The following DOP1B variants were observed in gnomAD, a reference collection of about 807,000 sequenced individuals.
DOP1B encodes the protein protein DOP1B.
In DOP1B, 174 loss-of-function variants were observed where a neutral mutation model predicts 233.5. The observed-to-expected ratio is 0.75, with a 90% CI of 0.66 to 0.85. The LOEUF (loss-of-function observed/expected upper bound fraction) is 0.85, where lower values mean the gene tolerates loss of function less well. Among genes scored for constraint, DOP1B ranks in the 40% least tolerant of loss-of-function variants. The probability of loss-of-function intolerance (pLI) is 0.00; values close to 1 mark genes in which losing one functional copy is unlikely to be tolerated. For missense variants in DOP1B, 2,652 were observed against 2,846.6 expected (o/e 0.93, Z 1.56); for synonymous variants, 1,190 against 1,185.6 (o/e 1.00, Z -0.08).
intron 11 of DOP1B, 103 bp from the exon 12 acceptor site, chr21:36,225,462 C>G (rs1306361949): frequency 7.8e-7 from 1 of 1,286,118 alleles, no homozygotes; most frequent in African/African-American, 1.5e-5. Context: ...GACTCCTGAG[C>G]TCAGACAGTC....
intron 10 of DOP1B, among the ~76,000 whole-genome samples, chr21:36,219,927 T>G (rs1379411594): frequency 2.0e-5 from 3 of 149,618 alleles, no homozygotes; most frequent in Non-Finnish European, 1.5e-5. Context: ...AGGACAGGAG[T>G]CCAGGGGGTG....
At chr21:36,287,370 C>T (rs1333643149) in intron 32 of DOP1B, among the ~76,000 whole-genome samples, 1 of 152,060 alleles carries the variant, frequency 6.6e-6, no homozygotes, top group Non-Finnish European at 1.5e-5. Context: ...TCTGCGTCTC[C>T]TCATTCATAT....
chr21:36,258,782 G>C (rs2067136366), intron 23 of DOP1B, among the ~76,000 whole-genome samples: 1 of 152,198 alleles, frequency 6.6e-6, no homozygotes, highest in African/African-American at 2.4e-5. Flanking sequence ...GGTTGGCAAA[G>C]AAGAGAGAAG....
intron 12 of DOP1B, among the ~76,000 whole-genome samples, 159 bp from the exon 13 acceptor site, chr21:36,227,527 A>C (rs555739872): frequency 2.5e-4 from 37 of 148,966 alleles, no homozygotes; most frequent in African/African-American, 8.7e-4. Flanking sequence ...AGCCTGGGCT[A>C]CAGAGCAAGA....
rs2067511069 is a variant in DOP1B at position 36,288,122 on chromosome 21, C to A, written c.6269C>A (p.Ser2090Ter). Residue 2090 changes from serine (S) to a stop codon, truncating the protein, a stop_gained, in exon 33 of 37, where the codon TCA becomes TAA. Coordinates refer to ENST00000691173, the MANE Select transcript of DOP1B (RefSeq NM_001320714.2). LOFTEE classifies it high-confidence loss of function. Reference sequence around the variant, plus strand: ...AGAATATCTCCTCAACATTTGACTTCATTGTGGCCAATAATGGTCTCTGAA... The same window carrying A: ...AGAATATCTCCTCAACATTTGACTTAATTGTGGCCAATAATGGTCTCTGAA... ...LLRISPQHLTSLWPIMVSELI... is the reference protein window; with the variant it reads ...LLRISPQHLT 5 of 1,613,914 alleles carry A rather than the reference C, an allele frequency of 3.1e-6. No homozygotes were observed. The highest frequency in any genetic ancestry group is 4.2e-6 in the Non-Finnish European group (5 of 1,179,952).
At chr21:36,222,321 G>T (rs757877148) in intron 10 of DOP1B, among the ~76,000 whole-genome samples, 5 of 151,752 alleles carry the variant, frequency 3.3e-5, no homozygotes, top group Non-Finnish European at 5.9e-5. Context: ...GCTTATGCCT[G>T]TAATTCCAGC....
rs2066469828 is a variant in DOP1B, at chr21:36,209,622, CTT to C, written c.681+719_681+720del. Reference sequence around the variant, plus strand: ...TCCCTTGGCGTCCTCCCCCTCCTCTCTTGTCTCCATTGGCTGCTCTCAAACCT... The same window carrying C: ...TCCCTTGGCGTCCTCCCCCTCCTCTCGTCTCCATTGGCTGCTCTCAAACCT... On this transcript the variant is annotated intron_variant, in intron 5 of 36. Transcript: ENST00000691173. Among the ~76,000 whole-genome samples the C allele has an allele frequency of 2.6e-5, 4 of 152,288 alleles. No individual in the cohort carries two copies. The South Asian group carries it at 6.2e-4, about 24-fold the overall frequency.
At chr21:36,187,474 T>A (rs1165195667) in intron 2 of DOP1B, among the ~76,000 whole-genome samples, 1 of 152,100 alleles carries the variant, frequency 6.6e-6, no homozygotes, top group Admixed American at 6.5e-5. Context: ...TTTGTTTTTT[T>A]TTAGTAGAGA....
At position 36,245,348 on chromosome 21, in the gene DOP1B, A is replaced by C; in HGVS notation, c.3368A>C (p.Glu1123Ala). The change falls in exon 19 of 37, where the codon GAG becomes GCG. Residue 1123 changes from glutamate to alanine, a missense_variant. Physicochemically the swap from Glu to Ala is moderately radical, Grantham distance 107 (BLOSUM62 -1). Coordinates refer to ENST00000691173, the MANE Select transcript of DOP1B (RefSeq NM_001320714.2). This position sits in a 1 kb window ranked among gnomAD's most constrained non-coding sequence, Gnocchi z 5.5. ...ADTSSCHTDS[E>A]NTSSFSSPSH... ...ACAAGCTCCTGCCACACGGACAGCG[A>C]GAACACGTCCTCCTTCTCCTCCCCT... The C allele has an allele frequency of 6.2e-7, 1 of 1,614,114 alleles. No homozygotes were observed. The highest frequency in any genetic ancestry group is 8.5e-7 in the Non-Finnish European group (1 of 1,180,038).
At chr21:36,206,576 T>C (rs1232944241) in intron 4 of DOP1B, among the ~76,000 whole-genome samples, 1 of 151,468 alleles carries the variant, frequency 6.6e-6, no homozygotes, top group Non-Finnish European at 1.5e-5. Flanking sequence ...TAGTAGCCAG[T>C]TTTCAGAATA....
At chr21:36,244,476 G>T (rs1224859911) in intron 18 of DOP1B, among the ~76,000 whole-genome samples, 2 of 152,184 alleles carry the variant, frequency 1.3e-5, no homozygotes, top group African/African-American at 4.8e-5. Flanking sequence ...CCAGGCTGGA[G>T]TTCAGTGGCA....
In DOP1B at chr21:36,239,950, C is replaced by A; in HGVS notation, c.3062C>A (p.Ser1021Ter). 6.2e-7 allele frequency: 1 copy of A among 1,608,358 alleles called. No individual in the cohort carries two copies. ...TSIHCLKQEN[S>*]ADDLHRWFNR... ...ATCCACTGCCTCAAGCAGGAGAACT[C>A]GGCCGGTGAGCAGCCTGCACAGGAC... The change falls in exon 18 of 37, where the codon TCG becomes TAG. Residue 1021 changes from serine (S) to a stop codon, truncating the protein, a stop_gained. Coordinates refer to ENST00000691173, the MANE Select transcript of DOP1B (RefSeq NM_001320714.2). LOFTEE classifies it high-confidence loss of function.
Position 36,192,554 on chromosome 21 carries a change from G to T in DOP1B, c.139-6516G>T, listed in dbSNP as rs113714321. 1.7e-3 allele frequency among the ~76,000 whole-genome samples: 251 copies of T among 151,574 alleles called. 1 individual carries two copies. Among genetic ancestry groups the T allele is most frequent in the African/African-American group, 5.8e-3 (240 of 41,360 alleles). ...GCCACCACACCCAGCTAATTTCTTT[G>T]TATTTTTTTAGTAGAGGCCGGTTTT... On this transcript the variant is annotated intron_variant, in intron 2 of 36. Coordinates refer to ENST00000691173, the MANE Select transcript of DOP1B (RefSeq NM_001320714.2).
intron 23 of DOP1B, among the ~76,000 whole-genome samples, chr21:36,257,767 TAGAG>T (rs756804418): frequency 0.082 from 11,935 of 146,022 alleles, 930 homozygotes; most frequent in African/African-American, 0.2. Flanking sequence ...GGTAGGTAGG[TAGAG>T]AGATGTAGGT....
chr21:36,227,933 C>G lies in DOP1B; in HGVS notation c.1665+56C>G, dbSNP rs566755181. 643 of 1,454,816 alleles carry G rather than the reference C, an allele frequency of 4.4e-4. 5 individuals carry two copies. In the South Asian group the frequency reaches 7.3e-3, roughly 17 times the overall value. The allele number at this position is 1,454,816 out of a possible 1,614,324, so 90.1% of individuals were successfully genotyped here. A position where few individuals can be genotyped will look rare whatever the true frequency, so the allele number is the denominator to read the frequency against. ...GGGGGCTAAAAGCAGCTTATGCCTT[C>G]CTGGGAGTAGAAAGTCTTTAGGGTT... On this transcript the variant is annotated intron_variant, in intron 13 of 36. Transcript: ENST00000691173.
At position 36,246,044 on chromosome 21, in the gene DOP1B, T is replaced by C; in HGVS notation, c.4064T>C (p.Ile1355Thr). Residue 1355 changes from isoleucine (I) to threonine (T), a missense_variant, in exon 19 of 37, where the codon ATA (isoleucine) becomes ACA (threonine). This residue lies in a region of DOP1B where 2,617 missense variants were observed against 2,794.3 expected (regional missense o/e 0.94). Transcript: ENST00000691173. The surrounding 1 kb of genome is among the most constrained non-coding windows in gnomAD (Gnocchi z 5.1). Reference sequence around the variant, plus strand: ...AAAAGTGTCGAGGTTTTGATCAGGATAATGATGCAGCTGGTCTCAGTGGCC... The same window carrying C: ...AAAAGTGTCGAGGTTTTGATCAGGACAATGATGCAGCTGGTCTCAGTGGCC... The part of the protein sequence containing the change: ...QVKSVEVLIR[I>T]MMQLVSVAKS... 1 of 1,613,940 alleles carries C rather than the reference T, an allele frequency of 6.2e-7. No individual in the cohort carries two copies. Among genetic ancestry groups the C allele is most frequent in the East Asian group, 2.2e-5 (1 of 44,844 alleles).
chr21:36,291,192 C>G (rs556050239), intron 35 of DOP1B, among the ~76,000 whole-genome samples: 17 of 151,772 alleles, frequency 1.1e-4, no homozygotes, highest in African/African-American at 4.1e-4. Context: ...AAACCGAAGG[C>G]GGAGGTTGCA....
chr21:36,280,630 A>G (rs1221939827), intron 31 of DOP1B, among the ~76,000 whole-genome samples: 3 of 152,336 alleles, frequency 2.0e-5, no homozygotes, highest in East Asian at 1.9e-4. Flanking sequence ...GCTGAAAGTA[A>G]TAAGTTTCTA....
At chr21:36,250,880 C>T (rs1352372728) in intron 21 of DOP1B, among the ~76,000 whole-genome samples, 2 of 152,212 alleles carry the variant, frequency 1.3e-5, no homozygotes, top group Admixed American at 6.5e-5. Flanking sequence ...CCGAGATGCT[C>T]CTGGCCAATC....
Sources: allele counts gnomAD v4.1 joint callset (sites outside exome capture counted in the v4.1 genomes callset), GRCh38; gene constraint gnomAD v4.1.1; regional missense constraint gnomAD v4.1.1; non-coding constraint Gnocchi (gnomAD v3.1); transcripts MANE v1.5; gene names NCBI Gene and HGNC (gene_info 2026-07-23, HGNC 2026-07-21).